Variants in CDH3 observed in about 807,000 individuals in gnomAD.
CDH3 encodes the protein cadherin 3.
Under a neutral mutation model 82.0 loss-of-function variants are expected in CDH3, and 54 were observed. The observed-to-expected ratio is 0.66, with a 90% confidence interval of 0.53 to 0.83. The LOEUF is 0.83. Among genes scored for constraint, CDH3 ranks in the 40% least tolerant of loss-of-function variants. The pLI is 0.00. For missense variants in CDH3, 1,054 were observed against 1,084.6 expected (o/e 0.97, Z 0.40); for synonymous variants, 446 against 437.9 (o/e 1.02, Z -0.23).
intron 2 of CDH3, among the ~76,000 whole-genome samples, chr16:68,672,325 C>CT (rs1351271275): frequency 1.3e-5 from 2 of 151,728 alleles, no homozygotes; most frequent in Non-Finnish European, 2.9e-5. Context: ...GTTCTGCATT[C>CT]TTATTTTGTT....
chr16:68,729,150 CA>C (rs1268670631), downstream of CDH3, among the ~76,000 whole-genome samples: 1 of 152,024 alleles, frequency 6.6e-6, no homozygotes, highest in African/African-American at 2.4e-5. Flanking sequence ...ACTAAAAATA[CA>C]AAAATTAGCT....
At chr16:68,731,489 CACATATAT>C (rs1962292459), downstream of CDH3, among the ~76,000 whole-genome samples, 1 of 38,024 alleles carries the variant, frequency 2.6e-5, no homozygotes, top group African/African-American at 7.0e-5. Context: ...CACGTATATA[CACATATAT>C]ATATACACAC....
At chr16:68,658,782 T>G (rs1436640332) in intron 2 of CDH3, among the ~76,000 whole-genome samples, 1 of 152,168 alleles carries the variant, frequency 6.6e-6, no homozygotes, top group Non-Finnish European at 1.5e-5. Flanking sequence ...TCTCCTGCAT[T>G]CCTCAGCTGG....
At position 68,680,960 on chromosome 16, in the gene CDH3, C is replaced by T. The variant is rs763428561; in HGVS notation, c.868-8C>T. 3.7e-6 allele frequency: 6 copies of T among 1,613,946 alleles called. No individual in the cohort carries two copies. Among genetic ancestry groups the T allele is most frequent in the Middle Eastern group, 1.6e-4 (1 of 6,082 alleles). On this transcript the variant is annotated splice_polypyrimidine_tract_variant and splice_region_variant and intron_variant, in intron 7 of 15. Coordinates refer to ENST00000264012, the MANE Select transcript of CDH3 (RefSeq NM_001793.6). ...TCACAATGGGCTTCCCCTCTCCTTT[C>T]TCCCCAGAAAGTCCCTGAGTACACA... is the stretch of plus-strand genomic sequence containing the variant.
At chr16:68,711,445 C>A (rs1315801682) in intron 1 of CDH3, among the ~76,000 whole-genome samples, 1 of 152,106 alleles carries the variant, frequency 6.6e-6, no homozygotes, top group Admixed American at 6.6e-5. Flanking sequence ...GGCTGGGGGA[C>A]CTGTGAGTGA....
intron 2 of CDH3, among the ~76,000 whole-genome samples, chr16:68,653,677 C>CT (rs1960315961): frequency 6.7e-6 from 1 of 150,074 alleles, no homozygotes; most frequent in African/African-American, 2.5e-5. Flanking sequence ...AATTTCTTTT[C>CT]TTTTCTTTTC....
At chr16:68,671,947 A>G (rs1195322972) in intron 2 of CDH3, among the ~76,000 whole-genome samples, 1 of 152,138 alleles carries the variant, frequency 6.6e-6, no homozygotes, top group South Asian at 2.1e-4. Context: ...TTAAGGGAAA[A>G]CTTGGACCTG....
Position 68,669,356 on chromosome 16 carries a change from C to G in CDH3, c.161-7029C>G, listed in dbSNP as rs1396776374. On this transcript the variant is annotated intron_variant, in intron 2 of 15. Coordinates refer to ENST00000264012, the MANE Select transcript of CDH3 (RefSeq NM_001793.6). ...AGCAGTTTAGAGCTGATGGGGCCAG[C>G]TCCTCAGATGTATCTGGAATATGCA... Among the ~76,000 whole-genome samples, 3 of 152,178 alleles carry G rather than the reference C, an allele frequency of 2.0e-5. No homozygotes were observed. In the East Asian group the frequency reaches 5.8e-4, roughly 29 times the overall value.
At chr16:68,732,927 G>C in the CDH3 span, among the ~76,000 whole-genome samples, 1 of 140,408 alleles carries the variant, frequency 7.1e-6, no homozygotes, top group East Asian at 2.4e-4. Flanking sequence ...AGATGCAAGA[G>C]ATAACCTGAG....
intron 2 of CDH3, among the ~76,000 whole-genome samples, chr16:68,653,670 T>G (rs1960315731): frequency 6.6e-6 from 1 of 151,440 alleles, no homozygotes. Flanking sequence ...GGCCCTGAAT[T>G]TCTTTTCTTT....
chr16:68,653,874 A>G (rs770134455), intron 2 of CDH3, among the ~76,000 whole-genome samples: 1 of 151,312 alleles, frequency 6.6e-6, no homozygotes, highest in Non-Finnish European at 1.5e-5. Flanking sequence ...TATTTTTAAT[A>G]GAGACGGGCA....
chr16:68,655,205 G>GT (rs1284260865), intron 2 of CDH3, among the ~76,000 whole-genome samples: 2 of 152,160 alleles, frequency 1.3e-5, no homozygotes, highest in African/African-American at 4.8e-5. Flanking sequence ...CCTGACCAGT[G>GT]TGTGGGTGGG....
chr16:68,691,599 T>C (rs1454634399), intron 12 of CDH3, 121 bp from the exon 13 acceptor site: 3 of 783,702 alleles, frequency 3.8e-6, no homozygotes, highest in African/African-American at 3.4e-5. Flanking sequence ...CAAAGTGTGC[T>C]TGTGGAGTAT....
chr16:68,670,223 CAAAAAAA>C (rs71148932), intron 2 of CDH3, among the ~76,000 whole-genome samples: 5 of 91,010 alleles, frequency 5.5e-5, no homozygotes, highest in African/African-American at 2.1e-4. Context: ...GACTCTGTCT[CAAAAAAA>C]AAAAAAAAAA....
intron 1 of CDH3, among the ~76,000 whole-genome samples, chr16:68,716,945 C>T (rs1962102553): frequency 6.7e-6 from 1 of 149,166 alleles, no homozygotes; most frequent in South Asian, 2.1e-4. Context: ...GTTGTCCAGG[C>T]TACTCTCAAA....
chr16:68,678,606 T>C lies in CDH3; in HGVS notation c.496T>C (p.Trp166Arg). The C allele has an allele frequency of 1.2e-6, 2 of 1,614,200 alleles. No individual in the cohort carries two copies. Among genetic ancestry groups the C allele is most frequent in the Non-Finnish European group, 1.7e-6 (2 of 1,180,040 alleles). The change falls in exon 5 of 16, where the codon TGG becomes CGG. Residue 166 changes from tryptophan to arginine, a missense_variant. Transcript: ENST00000264012. Reference protein sequence around the residue: ...GVFAVEKETGWLLLNKPLDRE... With the variant: ...GVFAVEKETGRLLLNKPLDRE... Reference sequence around the variant, plus strand: ...CTTCGCTGTAGAGAAGGAGACAGGCTGGTTGTTGTTGAATAAGCCACTGGA... The same window carrying C: ...CTTCGCTGTAGAGAAGGAGACAGGCCGGTTGTTGTTGAATAAGCCACTGGA...
At chr16:68,709,370 C>T (rs1962000719) in intron 1 of CDH3, among the ~76,000 whole-genome samples, 1 of 152,110 alleles carries the variant, frequency 6.6e-6, no homozygotes, top group African/African-American at 2.4e-5. Context: ...CTGCACCCGG[C>T]GCAGAAGCAC....
intron 4 of CDH3, 51 bp from the exon 5 acceptor site, chr16:68,678,449 CA>C: frequency 5.6e-6 from 9 of 1,610,582 alleles, no homozygotes; most frequent in Non-Finnish European, 7.6e-6. Flanking sequence ...CTCTTTGTCA[CA>C]GTCATGGGAT....
At chr16:68,672,318 C>A (rs967771211) in intron 2 of CDH3, among the ~76,000 whole-genome samples, 1 of 151,392 alleles carries the variant, frequency 6.6e-6, no homozygotes, top group South Asian at 2.1e-4. Context: ...TATAGTAGTT[C>A]TGCATTCTTA....
Sources: gnomAD v4.1 joint callset for allele counts (sites outside exome capture counted in the v4.1 genomes callset) on GRCh38, gnomAD v4.1.1 for gene constraint, MANE v1.5 for transcripts, NCBI Gene and HGNC (gene_info 2026-07-23, HGNC 2026-07-21) for gene names.